The following SRPRA variants were observed in gnomAD, a reference collection of about 807,000 sequenced individuals.
SRPRA encodes signal recognition particle receptor subunit alpha.
In SRPRA, 30 loss-of-function variants were observed where a neutral mutation model predicts 61.1. The observed-to-expected ratio is 0.49, with a 90% confidence interval of 0.37 to 0.67. SRPRA has a LOEUF of 0.67. SRPRA is among the 30% of genes least tolerant of loss of function. SRPRA has a pLI of 0.00. For synonymous variants in SRPRA, 324 were observed against 299.7 expected (o/e 1.08, Z -0.84); for missense variants, 759 against 828.4 (o/e 0.92, Z 1.03).
chr11:126,266,459 C>T lies in SRPRA; in HGVS notation c.840+17G>A, dbSNP rs200556752. The T allele has an allele frequency of 4.3e-6, 7 of 1,610,274 alleles. No homozygotes were observed. The highest frequency in any genetic ancestry group is 5.9e-6 in the Non-Finnish European group (7 of 1,177,654). On this transcript the variant is annotated intron_variant, in intron 6 of 13. Transcript: ENST00000332118. ...AATTTGTTGTTAAAGATCACTTTGA[C>T]CCCTGTTACCTCTTACCAGGTTGAT... is the stretch of plus-strand genomic sequence containing the variant.
chr11:126,255,596 C>T, the SRPRA span, among the ~76,000 whole-genome samples: 1 of 152,140 alleles, frequency 6.6e-6, no homozygotes, highest in African/African-American at 2.4e-5. This position sits in a 1 kb window ranked among gnomAD's most constrained non-coding sequence, Gnocchi z 4.6. Flanking sequence ...GTTTGTGAGA[C>T]AAAGGCAAAT....
downstream of SRPRA, chr11:126,261,487 A>T (rs1401629045): frequency 2.5e-6 from 4 of 1,609,692 alleles, no homozygotes; most frequent in Non-Finnish European, 3.4e-6. Context: ...AATAAGAGGT[A>T]TACTGTTTCC....
the SRPRA span, among the ~76,000 whole-genome samples, chr11:126,256,009 G>T: frequency 6.6e-6 from 1 of 152,076 alleles, no homozygotes; most frequent in Non-Finnish European, 1.5e-5. The surrounding 1 kb of genome is among the most constrained non-coding windows in gnomAD (Gnocchi z 6.6). Context: ...AGTGGCTCAC[G>T]CCTGTAATCC....
the SRPRA span, among the ~76,000 whole-genome samples, chr11:126,240,383 TG>T: frequency 1.2e-4 from 18 of 152,130 alleles, no homozygotes; most frequent in African/African-American, 4.3e-4. Flanking sequence ...TAATTTGTCC[TG>T]GGGTTCTTTT....
chr11:126,253,901 A>G, the SRPRA span, among the ~76,000 whole-genome samples: 1 of 152,218 alleles, frequency 6.6e-6, no homozygotes, highest in Non-Finnish European at 1.5e-5. This position sits in a 1 kb window ranked among gnomAD's most constrained non-coding sequence, Gnocchi z 5.1. Context: ...CCCATTGGCT[A>G]AAAGCAAGCC....
At position 126,268,840 on chromosome 11, in the gene SRPRA, G is replaced by C. The variant is rs1289228257; in HGVS notation, c.-36C>G. 1 of 1,562,382 alleles carries C rather than the reference G, an allele frequency of 6.4e-7. No homozygotes were observed. Among genetic ancestry groups the C allele is most frequent in the South Asian group, 1.1e-5 (1 of 89,962 alleles). On this transcript the variant is annotated 5_prime_UTR_variant, in exon 1 of 14. Transcript: ENST00000332118. ...GCAGAGGAGCTGGGGCCGGCGCCGG[G>C]AATTCAGGCCGCGTTCGCCGCCGCT...
rs754031524 is a variant in SRPRA, at chr11:126,264,529, T to C, written c.1536A>G (p.Gln512=). The change falls in exon 12 of 14, where the codon CAA becomes CAG. Residue 512 remains glutamine (Q), a synonymous_variant. Coordinates refer to ENST00000332118, the MANE Select transcript of SRPRA (RefSeq NM_003139.4). This position sits in a 1 kb window ranked among gnomAD's most constrained non-coding sequence, Gnocchi z 5.0. ...TGTCCACCAGCACCACGTCAAAGCCTTGGTTACGTGCTAGAGAAAGAAAGT... is the reference window on the plus strand; with the variant it reads ...TGTCCACCAGCACCACGTCAAAGCCCTGGTTACGTGCTAGAGAAAGAAAGT... The part of the protein sequence containing the change: ...AMEAIAFARN[Q]GFDVVLVDTA... 1.2e-6 allele frequency: 2 copies of C among 1,612,948 alleles called. No homozygotes were observed. The highest frequency in any genetic ancestry group is 8.5e-7 in the Non-Finnish European group (1 of 1,180,022).
rs1277576242 is a variant in SRPRA at position 126,264,513 on chromosome 11, G to T, written c.1552C>A (p.Leu518Met). ...TGCATGCGGCCTGCCGTGTCCACCAGCACCACGTCAAAGCCTTGGTTACGT... is the reference window on the plus strand; with the variant it reads ...TGCATGCGGCCTGCCGTGTCCACCATCACCACGTCAAAGCCTTGGTTACGT... ...FARNQGFDVV[L>M]VDTAGRMQDN... The change falls in exon 12 of 14, where the codon CTG (leucine) becomes ATG (methionine). Residue 518 changes from leucine (L) to methionine (M), a missense_variant. Physicochemically the swap from Leu to Met is conservative, Grantham distance 15 (BLOSUM62 2). Transcript: ENST00000332118. The surrounding 1 kb of genome is among the most constrained non-coding windows in gnomAD (Gnocchi z 5.0). The T allele has an allele frequency of 1.1e-5, 18 of 1,613,498 alleles. No individual in the cohort carries two copies. The highest frequency in any genetic ancestry group is 1.5e-5 in the Non-Finnish European group (18 of 1,180,038).
the SRPRA span, among the ~76,000 whole-genome samples, chr11:126,257,769 A>G: frequency 2.0e-5 from 3 of 152,188 alleles, no homozygotes; most frequent in Non-Finnish European, 4.4e-5. Flanking sequence ...ACTTTTAGAA[A>G]TGCTATTTGG....
At chr11:126,253,374 G>T in the SRPRA span, among the ~76,000 whole-genome samples, 1 of 152,152 alleles carries the variant, frequency 6.6e-6, no homozygotes, top group Non-Finnish European at 1.5e-5. The surrounding 1 kb of genome is among the most constrained non-coding windows in gnomAD (Gnocchi z 5.1). Context: ...TCCAAAATGT[G>T]ATAAGAATAA....
Position 126,266,193 on chromosome 11 carries a change from T to C in SRPRA, c.926A>G (p.Lys309Arg), listed in dbSNP as rs143064501. 45 of 1,613,988 alleles carry C rather than the reference T, an allele frequency of 2.8e-5. No homozygotes were observed. In the African/African-American group the frequency reaches 4.0e-4, roughly 14 times the overall value. ...CCACCTGAAATTCCCCTACCTAGGT[T>C]TGGTAGAGTTTTGAGCAGCCCCTTC... ...DDEGAAQNST[K>R]PSATKGTLGG... is the part of the protein sequence containing the mutation. Residue 309 changes from lysine (K) to arginine (R), a missense_variant, in exon 7 of 14, where the codon AAA becomes AGA. This residue lies in a region of SRPRA where 475 missense variants were observed against 462.5 expected (regional missense o/e 1.03). Transcript: ENST00000332118.
At chr11:126,246,730 C>T in the SRPRA span, among the ~76,000 whole-genome samples, 1 of 152,048 alleles carries the variant, frequency 6.6e-6, no homozygotes, top group Non-Finnish European at 1.5e-5. Context: ...CTTGAGCTAC[C>T]ATGCCAATTT....
At chr11:126,250,731 A>T in the SRPRA span, 1 of 1,607,322 alleles carries the variant, frequency 6.2e-7, no homozygotes, top group Non-Finnish European at 8.5e-7. The surrounding 1 kb of genome is among the most constrained non-coding windows in gnomAD (Gnocchi z 5.1). Context: ...TGATGAGAAA[A>T]AGGTAAAAAG....
rs762329663 is a variant in SRPRA, at chr11:126,266,857, G to A, written c.592C>T (p.Pro198Ser). 5 of 1,614,168 alleles carry A rather than the reference G, an allele frequency of 3.1e-6. No individual in the cohort carries two copies. Among genetic ancestry groups the A allele is most frequent in the Non-Finnish European group, 4.2e-6 (5 of 1,180,038 alleles). The change falls in exon 5 of 14, where the codon CCT (proline) becomes TCT (serine). Residue 198 changes from proline to serine, a missense_variant. This residue lies in a region of SRPRA where 475 missense variants were observed against 462.5 expected (regional missense o/e 1.03). Transcript: ENST00000332118. ...TTGGAAAGTTCTACTCCGTTCTCAG[G>A]ACCCACTGGAAGACCTGACTTTTCT... is the stretch of plus-strand genomic sequence containing the variant. ...PAEKSGLPVGPENGVELSKEE... is the reference protein window; with the variant it reads ...PAEKSGLPVGSENGVELSKEE...
the SRPRA span, among the ~76,000 whole-genome samples, chr11:126,247,145 T>C: frequency 6.6e-6 from 1 of 152,064 alleles, no homozygotes; most frequent in Non-Finnish European, 1.5e-5. Flanking sequence ...ATTTAAAAAG[T>C]AGTCGGCGTG....
chr11:126,265,425 A>G lies in SRPRA; in HGVS notation c.1154T>C (p.Val385Ala), dbSNP rs1186734150. ...MGTFSTVTST[V>A]KQALQESLVQ... Reference sequence around the variant, plus strand: ...CAGGGACTCCTGTAGGGCTTGCTTTACTGTGGAAGTCACCGCTGAAAGGGG... The same window carrying G: ...CAGGGACTCCTGTAGGGCTTGCTTTGCTGTGGAAGTCACCGCTGAAAGGGG... Residue 385 changes from valine to alanine, a missense_variant, in exon 10 of 14, where the codon GTA becomes GCA. This residue lies in a region of SRPRA where 284 missense variants were observed against 365.9 expected (regional missense o/e 0.78). Transcript: ENST00000332118. This position sits in a 1 kb window ranked among gnomAD's most constrained non-coding sequence, Gnocchi z 6.3. 1.2e-6 allele frequency: 2 copies of G among 1,611,982 alleles called. No individual in the cohort carries two copies. The highest frequency in any genetic ancestry group is 8.5e-7 in the Non-Finnish European group (1 of 1,178,866).
Position 126,267,475 on chromosome 11 carries a change from C to A in SRPRA, c.365+74G>T. 1 of 1,596,004 alleles carries A rather than the reference C, an allele frequency of 6.3e-7. No individual in the cohort carries two copies. The highest frequency in any genetic ancestry group is 1.7e-5 in the Admixed American group (1 of 58,302). On this transcript the variant is annotated intron_variant, in intron 3 of 13. Transcript: ENST00000332118. This position sits in a 1 kb window ranked among gnomAD's most constrained non-coding sequence, Gnocchi z 4.2. Reference sequence around the variant, plus strand: ...AATGTCTTTGAACACATCAATTTACCACCTTTGAACCACCTTCAGAGAGGT... The same window carrying A: ...AATGTCTTTGAACACATCAATTTACAACCTTTGAACCACCTTCAGAGAGGT...
At chr11:126,250,608 T>C in the SRPRA span, 1 of 1,613,842 alleles carries the variant, frequency 6.2e-7, no homozygotes, top group Admixed American at 1.7e-5. The surrounding 1 kb of genome is among the most constrained non-coding windows in gnomAD (Gnocchi z 5.1). Context: ...GCTACTTCAG[T>C]CAGTTCTCCA....
chr11:126,268,014 G>C lies in SRPRA; in HGVS notation c.190C>G (p.Leu64Val). 4 of 1,614,110 alleles carry C rather than the reference G, an allele frequency of 2.5e-6. No homozygotes were observed. The highest frequency in any genetic ancestry group is 3.4e-6 in the Non-Finnish European group (4 of 1,180,006). ...AACACCCCACTTACCACAAACACCA[G>C]CTCAAACTGGTTGTCCAGTTTATAC... Reference protein sequence around the residue: ...LKYKLDNQFELVFVVGFQKIL... With the variant: ...LKYKLDNQFEVVFVVGFQKIL... The change falls in exon 2 of 14, where the codon CTG becomes GTG. Residue 64 changes from leucine to valine, a missense_variant. Around this residue, in one of 2 missense-constraint regions of SRPRA, gnomAD observed 475 missense variants for 462.5 expected, o/e 1.03. Transcript: ENST00000332118.
Sources: allele counts gnomAD v4.1 joint callset (sites outside exome capture counted in the v4.1 genomes callset), GRCh38; gene constraint gnomAD v4.1.1; regional missense constraint gnomAD v4.1.1; non-coding constraint Gnocchi (gnomAD v3.1); transcripts MANE v1.5; gene names NCBI Gene and HGNC (gene_info 2026-07-23, HGNC 2026-07-21).